The following WDR25 variants were observed in gnomAD, a reference collection of about 807,000 sequenced individuals.
The protein encoded by WDR25 is WD repeat domain 25, also known as WD repeat-containing protein 25.
A neutral mutation model predicts 47.7 loss-of-function variants in WDR25; 35 were observed. The observed-to-expected ratio is 0.73, with a 90% confidence interval of 0.56 to 0.97. The LOEUF (loss-of-function observed/expected upper bound fraction) is 0.97, where lower values mean the gene tolerates loss of function less well. Among genes scored for constraint, WDR25 ranks in the 50% least tolerant of loss-of-function variants. The pLI, the probability that WDR25 is intolerant of heterozygous loss-of-function variation, is 0.00. For missense variants in WDR25, 634 were observed against 704.7 expected (o/e 0.90, Z 1.14); for synonymous variants, 248 against 278.9 (o/e 0.89, Z 1.10).
intron 2 of WDR25, among the ~76,000 whole-genome samples, chr14:100,447,256 T>C (rs904963393): frequency 2.6e-5 from 4 of 152,232 alleles, no homozygotes; most frequent in African/African-American, 9.6e-5. Context: ...TAGGTGACTT[T>C]TTTAGAAGTG....
intron 2 of WDR25, among the ~76,000 whole-genome samples, chr14:100,435,939 G>A (rs1197042850): frequency 6.6e-6 from 1 of 152,144 alleles, no homozygotes; most frequent in Non-Finnish European, 1.5e-5. Context: ...TGGAGAGGAG[G>A]GAGTGTAGCT....
At position 100,498,153 on chromosome 14, in the gene WDR25, G is replaced by A. The variant is rs1297458256; in HGVS notation, c.1101+14029G>A. 6.6e-5 allele frequency among the ~76,000 whole-genome samples: 10 copies of A among 152,216 alleles called. No individual in the cohort carries two copies. Among genetic ancestry groups the A allele is most frequent in the East Asian group, 1.9e-4 (1 of 5,190 alleles). On this transcript the variant is annotated intron_variant, in intron 4 of 6. Coordinates refer to ENST00000402312, the MANE Select transcript of WDR25 (RefSeq NM_001161476.3). This position sits in a 1 kb window ranked among gnomAD's most constrained non-coding sequence, Gnocchi z 4.2. ...GATGGCTGTGTGATTTTAAGCACACGGATGTTCCATGTACCCTGTCAGTGG... is the reference window on the plus strand; with the variant it reads ...GATGGCTGTGTGATTTTAAGCACACAGATGTTCCATGTACCCTGTCAGTGG...
intron 2 of WDR25, among the ~76,000 whole-genome samples, chr14:100,454,177 C>T (rs767875943): frequency 2.6e-5 from 4 of 152,288 alleles, no homozygotes; most frequent in African/African-American, 4.8e-5. Context: ...TACCATGTAT[C>T]CTACAAACCC....
rs1490996978 is a variant in WDR25, at chr14:100,498,937, C to T, written c.1101+14813C>T. 3.3e-5 allele frequency among the ~76,000 whole-genome samples: 5 copies of T among 152,152 alleles called. No individual in the cohort carries two copies. Among genetic ancestry groups the T allele is most frequent in the African/African-American group, 9.7e-5 (4 of 41,434 alleles). On this transcript the variant is annotated intron_variant, in intron 4 of 6. Transcript: ENST00000402312. The surrounding 1 kb of genome is among the most constrained non-coding windows in gnomAD (Gnocchi z 4.2). ...GCTGTGAGCCGATGAGAGGGCTTGT[C>T]GTGGGGTCCCCCTGTGACTTGGGTG...
At chr14:100,519,393 T>C (rs1186177445) in intron 4 of WDR25, among the ~76,000 whole-genome samples, 2 of 152,110 alleles carry the variant, frequency 1.3e-5, no homozygotes, top group Non-Finnish European at 2.9e-5. Flanking sequence ...TTAATTGCTA[T>C]GTCTTCTAGT....
At chr14:100,519,754 G>T (rs1901639260) in intron 4 of WDR25, among the ~76,000 whole-genome samples, 2 of 134,714 alleles carry the variant, frequency 1.5e-5, no homozygotes, top group South Asian at 2.2e-4. Flanking sequence ...TATATATATA[G>T]TGTGTATATA....
intron 2 of WDR25, among the ~76,000 whole-genome samples, chr14:100,452,196 C>T (rs578230143): frequency 6.6e-6 from 1 of 152,274 alleles, no homozygotes; most frequent in East Asian, 1.9e-4. Context: ...CCATGCATTC[C>T]ATCCATCCAT....
intron 3 of WDR25, among the ~76,000 whole-genome samples, chr14:100,470,191 A>C (rs1899781395): frequency 6.6e-6 from 1 of 152,216 alleles, no homozygotes; most frequent in African/African-American, 2.4e-5. Flanking sequence ...CAGATGGAAC[A>C]AGGACAGAGC....
intron 2 of WDR25, among the ~76,000 whole-genome samples, chr14:100,443,693 G>A (rs958626397): frequency 7.2e-5 from 11 of 152,050 alleles, no homozygotes; most frequent in African/African-American, 1.2e-4. Context: ...AGAGCCTGTC[G>A]CCTCTTGAAG....
chr14:100,429,136 A>G (rs183892942), intron 2 of WDR25, among the ~76,000 whole-genome samples: 2 of 152,332 alleles, frequency 1.3e-5, no homozygotes, highest in Admixed American at 1.3e-4. Flanking sequence ...GCTGCAGAAC[A>G]GGACCTGTCC....
chr14:100,503,809 T>G (rs1215459712), intron 4 of WDR25: 4 of 152,254 alleles, frequency 2.6e-5, no homozygotes, highest in Non-Finnish European at 5.9e-5. Context: ...TTTAATTATG[T>G]CTGTTCTGTA....
At chr14:100,515,489 T>C (rs1019282151) in intron 4 of WDR25, among the ~76,000 whole-genome samples, 4 of 152,198 alleles carry the variant, frequency 2.6e-5, no homozygotes, top group African/African-American at 9.7e-5. Flanking sequence ...GGGGCATTGT[T>C]TTATATCACT....
chr14:100,414,278 AG>A (rs1897802716), intron 2 of WDR25, among the ~76,000 whole-genome samples: 1 of 149,622 alleles, frequency 6.7e-6, no homozygotes, highest in Non-Finnish European at 1.5e-5. Flanking sequence ...CTAGGATTAC[AG>A]GCATGAGCCA....
At chr14:100,411,229 C>A (rs1410821483) in intron 2 of WDR25, among the ~76,000 whole-genome samples, 1 of 152,172 alleles carries the variant, frequency 6.6e-6, no homozygotes, top group Non-Finnish European at 1.5e-5. Context: ...ACCCCAGCTT[C>A]CTAGCTCTGT....
rs1403299109 is a variant in WDR25 at position 100,500,649 on chromosome 14, A to T, written c.1101+16525A>T. On this transcript the variant is annotated intron_variant, in intron 4 of 6. Transcript: ENST00000402312. This position sits in a 1 kb window ranked among gnomAD's most constrained non-coding sequence, Gnocchi z 4.7. ...CTGGCTCAGCCAAGCGAGCCTCACC[A>T]TCTCCATCTCTGTTCAGAGTAGGCC... Among the ~76,000 whole-genome samples, 2 of 152,100 alleles carry T rather than the reference A, an allele frequency of 1.3e-5. No homozygotes were observed. Among genetic ancestry groups the T allele is most frequent in the African/African-American group, 2.4e-5 (1 of 41,418 alleles).
In WDR25 at chr14:100,430,613, G is replaced by T. The variant is rs2140230362; in HGVS notation, c.823-37408G>T. 6.6e-6 allele frequency among the ~76,000 whole-genome samples: 1 copy of T among 152,316 alleles called. No individual in the cohort carries two copies. Among genetic ancestry groups the T allele is most frequent in the Non-Finnish European group, 1.5e-5 (1 of 68,032 alleles). ...TAACCTCGTACCTTATGCCAGGCAGGACTGTGGTCCCTGTTTGCAGATGAG... is the reference window on the plus strand; with the variant it reads ...TAACCTCGTACCTTATGCCAGGCAGTACTGTGGTCCCTGTTTGCAGATGAG... On this transcript the variant is annotated intron_variant, in intron 2 of 6. Transcript: ENST00000402312. The surrounding 1 kb of genome is among the most constrained non-coding windows in gnomAD (Gnocchi z 4.7).
intron 4 of WDR25, among the ~76,000 whole-genome samples, chr14:100,519,892 A>G (rs1315334874): frequency 6.3e-5 from 9 of 142,262 alleles, no homozygotes; most frequent in African/African-American, 1.8e-4. Flanking sequence ...ATATATGTAT[A>G]TATGTATACT....
chr14:100,518,894 TAAA>T (rs562570627), intron 4 of WDR25, among the ~76,000 whole-genome samples: 2 of 135,254 alleles, frequency 1.5e-5, no homozygotes, highest in Non-Finnish European at 1.6e-5. Flanking sequence ...ACTTCATCTC[TAAA>T]AAAAAAAAAA....
rs544015882 is a variant in WDR25, at chr14:100,404,740, C to G, written c.822+22994C>G. Among the ~76,000 whole-genome samples the G allele has an allele frequency of 6.6e-6, 1 of 152,276 alleles. No individual in the cohort carries two copies. The highest frequency in any genetic ancestry group is 2.1e-4 in the South Asian group (1 of 4,828). ...GACTCTGTTTCTCTAGGGCCATGAT[C>G]CTGACTCTGAAATGCCAAGTATACA... On this transcript the variant is annotated intron_variant, in intron 2 of 6. Transcript: ENST00000402312. This position sits in a 1 kb window ranked among gnomAD's most constrained non-coding sequence, Gnocchi z 4.6.
Sources: allele counts gnomAD v4.1 joint callset (sites outside exome capture counted in the v4.1 genomes callset), GRCh38; gene constraint gnomAD v4.1.1; non-coding constraint Gnocchi (gnomAD v3.1); transcripts MANE v1.5; gene names NCBI Gene and HGNC (gene_info 2026-07-23, HGNC 2026-07-21).